TDRD3: variants seen among roughly 807,000 people sequenced by gnomAD.
TDRD3 encodes tudor domain-containing protein 3.
TDRD3 carries 45 observed loss-of-function variants against 86.7 expected under a neutral mutation model. The ratio of observed to expected loss-of-function variants is 0.52; its 90% CI spans 0.41 to 0.67. TDRD3 has a LOEUF of 0.67. Ranked by LOEUF, TDRD3 falls within the 30% of genes least tolerant of loss-of-function variation. TDRD3 has a pLI of 0.00. For missense variants in TDRD3, 814 were observed against 889.0 expected, an observed-to-expected ratio of 0.92 and a Z score of 1.07; for synonymous variants, 298 against 301.7, an observed-to-expected ratio of 0.99 and a Z score of 0.13.
At chr13:60,508,949 C>G (rs1002274921) in intron 8 of TDRD3, among the ~76,000 whole-genome samples, 11 of 152,048 alleles carry the variant, frequency 7.2e-5, no homozygotes, top group Non-Finnish European at 1.6e-4. Context: ...CTCAAATAGC[C>G]CATGCATTGG....
At chr13:60,418,995 A>C (rs1018462936) in intron 1 of TDRD3, among the ~76,000 whole-genome samples, 1 of 152,226 alleles carries the variant, frequency 6.6e-6, no homozygotes, top group Non-Finnish European at 1.5e-5. Context: ...GGTTATTATG[A>C]ATAAGGCTTG....
intron 1 of TDRD3, among the ~76,000 whole-genome samples, chr13:60,413,493 A>G (rs1954418087): frequency 6.6e-6 from 1 of 152,200 alleles, no homozygotes; most frequent in South Asian, 2.1e-4. Flanking sequence ...AATGGTGTCA[A>G]TATTATACCT....
chr13:60,428,854 G>A lies in TDRD3; in HGVS notation c.42-10834G>A, dbSNP rs139144671. Among the ~76,000 whole-genome samples, 791 of 152,290 alleles carry A rather than the reference G, an allele frequency of 5.2e-3. 4 individuals carry two copies. The highest frequency in any genetic ancestry group is 7.0e-3 in the Non-Finnish European group (477 of 68,022). On this transcript the variant is annotated intron_variant, in intron 1 of 13. Transcript: ENST00000377881. ...CTTCTTTGAAGAGTCTGGAGTTTAA[G>A]CAGATAAGGGAGTATCAGAGTAAAG...
intron 3 of TDRD3, among the ~76,000 whole-genome samples, chr13:60,446,281 G>T (rs1955395347): frequency 6.6e-6 from 1 of 152,106 alleles, no homozygotes; most frequent in Admixed American, 6.6e-5. Context: ...GGAGTGCAGT[G>T]ATATGATCTC....
chr13:60,516,707 AAGTGCTAAGCCT>A (rs1957178145), intron 10 of TDRD3, among the ~76,000 whole-genome samples: 2 of 152,244 alleles, frequency 1.3e-5, no homozygotes, highest in Admixed American at 1.3e-4. Flanking sequence ...AATGTATATG[AAGTGCTAAGCCT>A]AGTGCTTGGC....
At chr13:60,545,160 C>A (rs940345443) in intron 12 of TDRD3, among the ~76,000 whole-genome samples, 1 of 152,086 alleles carries the variant, frequency 6.6e-6, no homozygotes, top group African/African-American at 2.4e-5. Context: ...ATGTTTTCTT[C>A]CCTTCAGAAG....
At chr13:60,484,853 A>G (rs1474135904) in intron 6 of TDRD3, 1 of 326,486 alleles carries the variant, frequency 3.1e-6, no homozygotes, top group East Asian at 8.7e-5. Context: ...ATTTGTAAAA[A>G]TTTACCCTTA....
intron 10 of TDRD3, among the ~76,000 whole-genome samples, chr13:60,515,305 C>G (rs1380068946): frequency 6.6e-6 from 1 of 152,138 alleles, no homozygotes; most frequent in Non-Finnish European, 1.5e-5. Flanking sequence ...CTTGAAAACA[C>G]TATTTGGTTT....
chr13:60,520,930 G>A (rs188875841), intron 10 of TDRD3, among the ~76,000 whole-genome samples: 2 of 152,246 alleles, frequency 1.3e-5, no homozygotes, highest in East Asian at 1.9e-4. Context: ...AAATTGAATC[G>A]TTACCATAAT....
At chr13:60,463,875 T>C (rs918043241) in intron 4 of TDRD3, among the ~76,000 whole-genome samples, 4 of 152,118 alleles carry the variant, frequency 2.6e-5, no homozygotes, top group African/African-American at 9.7e-5. Context: ...CTCTAAACCC[T>C]ATATTGGAAT....
In TDRD3 at chr13:60,573,716, T is replaced by C; in HGVS notation, c.*110T>C. The C allele has an allele frequency of 1.1e-6, 1 of 928,736 alleles. No homozygotes were observed. The highest frequency in any genetic ancestry group is 1.3e-6 in the Non-Finnish European group (1 of 778,116). 57.5% of individuals were successfully genotyped at this position (928,736 alleles called of 1,614,324 possible). A position where few individuals can be genotyped will look rare whatever the true frequency, so the allele number is the denominator to read the frequency against. ...CAGAATAAGTAGCTGTGGTGGATAT[T>C]ATTATTTGAAGAAAGAAAAAACAGA... On this transcript the variant is annotated 3_prime_UTR_variant, in exon 14 of 14. Transcript: ENST00000377881.
At chr13:60,398,058 C>G (rs901908203) in intron 1 of TDRD3, among the ~76,000 whole-genome samples, 1 of 152,186 alleles carries the variant, frequency 6.6e-6, no homozygotes, top group Non-Finnish European at 1.5e-5. Context: ...GGATGGTGTT[C>G]TGATTTTAAG....
intron 6 of TDRD3, 114 bp from the exon 7 acceptor site, chr13:60,485,685 G>T: frequency 6.1e-6 from 5 of 821,376 alleles, no homozygotes; most frequent in East Asian, 3.3e-5. Flanking sequence ...ATTTGTGTAG[G>T]CTTTTAGCTA....
At chr13:60,535,401 A>T (rs926370022) in intron 12 of TDRD3, 168 bp downstream of exon 12, 9 of 576,230 alleles carry the variant, frequency 1.6e-5, no homozygotes, top group Non-Finnish European at 2.3e-5. Flanking sequence ...CACTGAATGA[A>T]CTACAATAAA....
Position 60,397,570 on chromosome 13 carries a change from G to C in TDRD3, c.41+165G>C, listed in dbSNP as rs903981606. Among the ~76,000 whole-genome samples, 650 of 149,582 alleles carry C rather than the reference G, an allele frequency of 4.3e-3. 4 individuals are homozygous for C. The highest frequency in any genetic ancestry group is 0.015 in the African/African-American group (622 of 41,268). On this transcript the variant is annotated intron_variant, in intron 1 of 13. Coordinates refer to ENST00000377881, the MANE Select transcript of TDRD3 (RefSeq NM_001146070.2). ...CCGGCTCCGCCCCCGGCGCCACGCG[G>C]AGCCCTGCGAGTTCCCCTAGGTCCC...
intron 11 of TDRD3, among the ~76,000 whole-genome samples, chr13:60,531,142 T>C (rs1241747839): frequency 6.6e-6 from 1 of 152,180 alleles, no homozygotes; most frequent in Non-Finnish European, 1.5e-5. Flanking sequence ...CTGGGTGTCT[T>C]TTCTTTTTCT....
intron 12 of TDRD3, among the ~76,000 whole-genome samples, chr13:60,559,766 G>A (rs962921738): frequency 2.6e-5 from 4 of 152,110 alleles, no homozygotes; most frequent in African/African-American, 9.7e-5. Flanking sequence ...TTGGTCAAAG[G>A]TTACGAAGTT....
At chr13:60,447,331 T>C (rs887227257) in intron 3 of TDRD3, among the ~76,000 whole-genome samples, 1 of 152,182 alleles carries the variant, frequency 6.6e-6, no homozygotes, top group Non-Finnish European at 1.5e-5. Context: ...GATTTAAATC[T>C]TCTTTCTCCT....
chr13:60,438,317 A>G (rs1328530201), intron 1 of TDRD3, among the ~76,000 whole-genome samples: 1 of 152,134 alleles, frequency 6.6e-6, no homozygotes, highest in Non-Finnish European at 1.5e-5. Flanking sequence ...TTGACTGCAG[A>G]TATTTGTATT....
Sources: gnomAD v4.1 joint callset for allele counts (sites outside exome capture counted in the v4.1 genomes callset) on GRCh38, gnomAD v4.1.1 for gene constraint, MANE v1.5 for transcripts, NCBI Gene and HGNC (gene_info 2026-07-23, HGNC 2026-07-21) for gene names.